SNAP23: variants seen among roughly 807,000 people sequenced by gnomAD.
SNAP23 encodes the protein synaptosomal-associated protein 23.
A neutral mutation model predicts 29.0 loss-of-function variants in SNAP23; 11 were observed. The observed-to-expected ratio is 0.38, with a 90% confidence interval of 0.24 to 0.63. The LOEUF (loss-of-function observed/expected upper bound fraction) is 0.63. Among genes scored for constraint, SNAP23 ranks in the 20% least tolerant of loss-of-function variants. The pLI is 0.58. For missense variants in SNAP23, 220 were observed against 253.9 expected (o/e 0.87, Z 0.91); for synonymous variants, 60 against 82.9 (o/e 0.72, Z 1.50).
intron 1 of SNAP23, among the ~76,000 whole-genome samples, chr15:42,511,108 G>A (rs185533186): frequency 6.5e-4 from 99 of 152,334 alleles, no homozygotes; most frequent in Non-Finnish European, 1.1e-3. Context: ...GATAACAGCC[G>A]TGCTGAGTAA....
intron 4 of SNAP23, 35 bp from the exon 5 acceptor site, chr15:42,515,202 G>C: frequency 7.5e-7 from 1 of 1,337,400 alleles, no homozygotes; most frequent in Non-Finnish European, 1.1e-6. Context: ...ACTGTGAATG[G>C]AACACAAAGT....
intron 7 of SNAP23, among the ~76,000 whole-genome samples, chr15:42,531,142 G>C (rs1452047772): frequency 2.6e-5 from 4 of 152,098 alleles, no homozygotes; most frequent in Non-Finnish European, 5.9e-5. Context: ...ATGCATCCCA[G>C]TTTCAGGCAT....
At chr15:42,512,338 C>CTTAAGGAAATAACTGAAAAT (rs1173620767) in intron 2 of SNAP23, 1 of 151,582 alleles carries the variant, frequency 6.6e-6, no homozygotes, top group East Asian at 1.9e-4. Context: ...TCTTAAGGAG[C>CTTAAGGAAATAACTGAAAAT]GCCTGAAAAT....
intron 6 of SNAP23, among the ~76,000 whole-genome samples, chr15:42,529,102 C>T (rs2057536871): frequency 6.6e-6 from 1 of 152,140 alleles, no homozygotes; most frequent in Non-Finnish European, 1.5e-5. Context: ...CTTTTCAGGC[C>T]ATACAGTCCC....
intron 5 of SNAP23, among the ~76,000 whole-genome samples, chr15:42,520,543 G>A (rs574255809): frequency 3.3e-5 from 5 of 152,100 alleles, no homozygotes; most frequent in Admixed American, 1.3e-4. Context: ...TGCCCAGGCT[G>A]GAGTGCAGTG....
At chr15:42,499,257 G>A (rs561264726) in intron 1 of SNAP23, among the ~76,000 whole-genome samples, 2 of 152,100 alleles carry the variant, frequency 1.3e-5, no homozygotes, top group African/African-American at 4.8e-5. Context: ...TAGTAGAGAC[G>A]GACGGGGTTT....
chr15:42,515,482 C>T, intron 5 of SNAP23, 128 bp downstream of exon 5: 1 of 615,704 alleles, frequency 1.6e-6, no homozygotes, highest in Non-Finnish European at 2.9e-6. Flanking sequence ...AGTTGTCTCT[C>T]CTTCAGGCAG....
intron 5 of SNAP23, among the ~76,000 whole-genome samples, chr15:42,526,789 T>C (rs11635889): frequency 0.12 from 17,556 of 151,984 alleles, 1,137 homozygotes; most frequent in Non-Finnish European, 0.15. Context: ...CATTTTTTTT[T>C]CCCTGTAATA....
intron 2 of SNAP23, chr15:42,512,467 CTCCTGTGT>C (rs1477877345): frequency 9.7e-5 from 15 of 153,862 alleles, no homozygotes; most frequent in African/African-American, 3.4e-4. Flanking sequence ...CAACCTCTGC[CTCCTGTGT>C]TCAAGCGATT....
chr15:42,501,445 G>A (rs59705032), intron 1 of SNAP23, among the ~76,000 whole-genome samples: 14,732 of 152,144 alleles, frequency 0.097, 818 homozygotes, highest in South Asian at 0.17. Flanking sequence ...TGTCACCAAG[G>A]CTGGGGTGCA....
At chr15:42,528,464 T>G in intron 6 of SNAP23, 44 bp downstream of exon 6, 1 of 1,577,702 alleles carries the variant, frequency 6.3e-7, no homozygotes, top group South Asian at 1.1e-5. Context: ...TCTTAATGAA[T>G]GGTTCACTTA....
chr15:42,508,671 T>A (rs534271272), intron 1 of SNAP23, among the ~76,000 whole-genome samples: 1 of 152,322 alleles, frequency 6.6e-6, no homozygotes, highest in African/African-American at 2.4e-5. Flanking sequence ...CTTTCTTTTT[T>A]CTTTTAAAGA....
chr15:42,515,207 C>T, intron 4 of SNAP23, 30 bp from the exon 5 acceptor site: 1 of 1,408,110 alleles, frequency 7.1e-7, no homozygotes, highest in Non-Finnish European at 9.9e-7. Context: ...GAATGGAACA[C>T]AAAGTGTTAA....
Position 42,512,940 on chromosome 15 carries a change from T to C in SNAP23, c.58-15T>C. 6.2e-7 allele frequency: 1 copy of C among 1,602,154 alleles called. No individual in the cohort carries two copies. Among genetic ancestry groups the C allele is most frequent in the Non-Finnish European group, 8.5e-7 (1 of 1,170,570 alleles). On this transcript the variant is annotated splice_polypyrimidine_tract_variant and intron_variant, in intron 2 of 7. Coordinates refer to ENST00000249647, the MANE Select transcript of SNAP23 (RefSeq NM_003825.4). ...TACATATTTTGGAATGCTAAAATTC[T>C]GTGTTCTTTCCTAGTCTCTGGAAAG... is the stretch of plus-strand genomic sequence containing the variant.
In SNAP23 at chr15:42,531,421, C is replaced by T. The variant is rs753970035; in HGVS notation, c.579C>T (p.Thr193=). The T allele has an allele frequency of 1.3e-6, 2 of 1,576,386 alleles. No homozygotes were observed. The highest frequency in any genetic ancestry group is 2.7e-5 in the African/African-American group (2 of 73,356). The change falls in exon 8 of 8, where the codon ACC becomes ACT. Residue 193 remains threonine (T), a synonymous_variant. Coordinates refer to ENST00000249647, the MANE Select transcript of SNAP23 (RefSeq NM_003825.4). ...QIKRITDKAD[T]NRDRIDIANA... ...TCTTTCTTGTTTTTCAGGCTGACAC[C>T]AACAGAGATCGTATTGATATTGCCA...
At chr15:42,512,378 T>G in intron 2 of SNAP23, 1 of 141,490 alleles carries the variant, frequency 7.1e-6, no homozygotes, top group African/African-American at 2.8e-5. Flanking sequence ...AACTTACTTT[T>G]TTTTTTTTTT....
At chr15:42,506,477 G>A (rs1327042742) in intron 1 of SNAP23, among the ~76,000 whole-genome samples, 2 of 152,112 alleles carry the variant, frequency 1.3e-5, no homozygotes, top group African/African-American at 2.4e-5. Flanking sequence ...GCCTCAAGCC[G>A]TTTTCCTACC....
At chr15:42,502,969 A>G (rs1242180424) in intron 1 of SNAP23, among the ~76,000 whole-genome samples, 1 of 152,110 alleles carries the variant, frequency 6.6e-6, no homozygotes, top group East Asian at 1.9e-4. Context: ...TTTTTTTGTA[A>G]TTAGAGTCAG....
intron 1 of SNAP23, among the ~76,000 whole-genome samples, chr15:42,506,273 T>C (rs2141513981): frequency 6.6e-6 from 1 of 151,550 alleles, no homozygotes; most frequent in Non-Finnish European, 1.5e-5. Flanking sequence ...GGGGTCTTGC[T>C]CTGTCAGGCA....
Sources: gnomAD v4.1 joint callset for allele counts (sites outside exome capture counted in the v4.1 genomes callset) on GRCh38, gnomAD v4.1.1 for gene constraint, MANE v1.5 for transcripts, NCBI Gene and HGNC (gene_info 2026-07-23, HGNC 2026-07-21) for gene names.